Variants in ZNF678 observed in about 807,000 individuals in gnomAD.
ZNF678 encodes hypothetical protein MGC42493.
A neutral mutation model predicts 3.0 loss-of-function variants in ZNF678; 5 were observed. That is an observed-to-expected ratio of 1.69 (90% CI 0.88 to 3.56). The LOEUF is 3.56. ZNF678 is among the 30% of genes most tolerant of loss of function. ZNF678 has a pLI of 0.00. For missense variants in ZNF678, 593 were observed against 605.0 expected (o/e 0.98, Z 0.21); for synonymous variants, 218 against 199.6 (o/e 1.09, Z -0.78).
chr1:227,595,889 T>C (rs1360649063), intron 1 of ZNF678, among the ~76,000 whole-genome samples: 1 of 152,086 alleles, frequency 6.6e-6, no homozygotes, highest in Non-Finnish European at 1.5e-5. Context: ...TGTCAAGCAA[T>C]TTAAACCAAG....
Position 227,655,297 on chromosome 1 carries a change from C to G in ZNF678, c.1047C>G (p.Tyr349Ter). Reference protein sequence around the residue: ...HKRIHTGEKPYKCEECGRTFT... With the variant: ...HKRIHTGEKP ...GAATTCATACTGGAGAGAAACCCTA[C>G]AAATGTGAAGAATGTGGCAGAACCT... Residue 349 changes from tyrosine (Y) to a stop codon, truncating the protein, a stop_gained, in exon 4 of 4, where the codon TAC (tyrosine) becomes TAG (stop). Coordinates refer to ENST00000343776, the MANE Select transcript of ZNF678 (RefSeq NM_001367909.1). LOFTEE classifies it low-confidence loss of function (END_TRUNC). 1 of 1,611,362 alleles carries G rather than the reference C, an allele frequency of 6.2e-7. No individual in the cohort carries two copies. The highest frequency in any genetic ancestry group is 8.5e-7 in the Non-Finnish European group (1 of 1,178,302).
intron 1 of ZNF678, among the ~76,000 whole-genome samples, chr1:227,632,404 G>A (rs1377799762): frequency 6.6e-6 from 1 of 152,144 alleles, no homozygotes; most frequent in African/African-American, 2.4e-5. Flanking sequence ...GACCTAGGAG[G>A]TATGGGTCAA....
intron 1 of ZNF678, among the ~76,000 whole-genome samples, chr1:227,566,218 G>C (rs537413904): frequency 6.6e-6 from 1 of 152,192 alleles, no homozygotes; most frequent in Admixed American, 6.5e-5. Context: ...GAGCCTCTCA[G>C]TGAAGCAGCT....
At chr1:227,652,456 G>A (rs557932566) in intron 3 of ZNF678, among the ~76,000 whole-genome samples, 5 of 152,028 alleles carry the variant, frequency 3.3e-5, no homozygotes, top group African/African-American at 1.2e-4. Context: ...TTGAATAGCT[G>A]TCTAAAACAT....
chr1:227,598,556 T>C (rs12082414), intron 1 of ZNF678: 186,043 of 848,762 alleles, frequency 0.22, 22,709 homozygotes, highest in East Asian at 0.45. Flanking sequence ...TTTTTGCTCG[T>C]ACCTCCTCAG....
At chr1:227,644,934 A>T (rs552458027) in intron 1 of ZNF678, among the ~76,000 whole-genome samples, 1 of 152,264 alleles carries the variant, frequency 6.6e-6, no homozygotes, top group South Asian at 2.1e-4. Flanking sequence ...CATTTGTGAG[A>T]GTTGAGTTCA....
downstream of ZNF678, among the ~76,000 whole-genome samples, chr1:227,665,946 C>A (rs1012009206): frequency 1.3e-5 from 2 of 152,120 alleles, no homozygotes; most frequent in Non-Finnish European, 2.9e-5. Context: ...CTTCTTCAAT[C>A]CAATCCTATC....
At chr1:227,611,320 A>G (rs904645502) in intron 1 of ZNF678, among the ~76,000 whole-genome samples, 5 of 152,112 alleles carry the variant, frequency 3.3e-5, no homozygotes, top group East Asian at 1.9e-4. Context: ...CCATCACCCT[A>G]TCTATACAAG....
intron 1 of ZNF678, among the ~76,000 whole-genome samples, chr1:227,645,523 A>C (rs893466953): frequency 2.6e-5 from 4 of 152,168 alleles, no homozygotes; most frequent in Non-Finnish European, 5.9e-5. Context: ...ATATCCATTC[A>C]GGCTTTTTAA....
Position 227,654,849 on chromosome 1 carries a change from A to C in ZNF678, c.599A>C (p.Lys200Thr), listed in dbSNP as rs2102806211. ...TGGTGGTCACAACTAACTAGCCATA[A>C]GAAAATTCATAGTGGAGAGAAACCA... ...FNWWSQLTSH[K>T]KIHSGEKPYP... Residue 200 changes from lysine to threonine, a missense_variant, in exon 4 of 4, where the codon AAG (lysine) becomes ACG (threonine). Coordinates refer to ENST00000343776, the MANE Select transcript of ZNF678 (RefSeq NM_001367909.1). 1.9e-6 allele frequency: 3 copies of C among 1,612,518 alleles called. No homozygotes were observed. The highest frequency in any genetic ancestry group is 2.7e-5 in the African/African-American group (2 of 74,950).
chr1:227,630,521 T>G (rs1277649466), intron 1 of ZNF678, among the ~76,000 whole-genome samples: 4 of 152,210 alleles, frequency 2.6e-5, no homozygotes, highest in Non-Finnish European at 5.9e-5. Flanking sequence ...ACATTATATC[T>G]CTCCATGTCA....
At chr1:227,662,769 A>G (rs531168416), downstream of ZNF678, among the ~76,000 whole-genome samples, 2 of 152,318 alleles carry the variant, frequency 1.3e-5, no homozygotes, top group Non-Finnish European at 2.9e-5. Context: ...TGCTGGGGAC[A>G]CTATACTTGC....
At chr1:227,663,321 A>C (rs1231598976), downstream of ZNF678, among the ~76,000 whole-genome samples, 2 of 152,242 alleles carry the variant, frequency 1.3e-5, no homozygotes, top group African/African-American at 4.8e-5. Flanking sequence ...AAATGTCTTC[A>C]TGCCAGTTTC....
chr1:227,617,761 C>G (rs773257984), intron 1 of ZNF678, among the ~76,000 whole-genome samples: 2 of 152,138 alleles, frequency 1.3e-5, no homozygotes, highest in African/African-American at 4.8e-5. Flanking sequence ...AGAAAAGGTA[C>G]ATAAATAGAT....
chr1:227,633,620 A>C (rs1054734746), intron 1 of ZNF678, among the ~76,000 whole-genome samples: 2 of 152,320 alleles, frequency 1.3e-5, no homozygotes, highest in Admixed American at 1.3e-4. Flanking sequence ...GTTACAGCAG[A>C]AAACAAAACT....
At chr1:227,625,610 C>T (rs1341338494) in intron 1 of ZNF678, among the ~76,000 whole-genome samples, 2 of 152,092 alleles carry the variant, frequency 1.3e-5, no homozygotes, top group Non-Finnish European at 2.9e-5. Flanking sequence ...GTACATCCAA[C>T]AGTTAGTAGG....
At chr1:227,581,622 T>C (rs1237652443) in intron 1 of ZNF678, among the ~76,000 whole-genome samples, 1 of 152,226 alleles carries the variant, frequency 6.6e-6, no homozygotes, top group East Asian at 1.9e-4. Context: ...TCTATACTTA[T>C]TGCTGTATTG....
chr1:227,630,602 G>T (rs1482906690), intron 1 of ZNF678, among the ~76,000 whole-genome samples: 1 of 152,176 alleles, frequency 6.6e-6, no homozygotes, highest in African/African-American at 2.4e-5. Context: ...ATTTACCTGG[G>T]TCTATTTTAA....
At chr1:227,580,409 T>C (rs903472586) in intron 1 of ZNF678, among the ~76,000 whole-genome samples, 2 of 152,162 alleles carry the variant, frequency 1.3e-5, no homozygotes, top group Non-Finnish European at 2.9e-5. Context: ...AAATTGAAGT[T>C]ATTCAAACCT....
Sources: allele counts gnomAD v4.1 joint callset (sites outside exome capture counted in the v4.1 genomes callset), GRCh38; gene constraint gnomAD v4.1.1; transcripts MANE v1.5; gene names NCBI Gene and HGNC (gene_info 2026-07-23, HGNC 2026-07-21).